RAB11FIP4: variants seen among roughly 807,000 people sequenced by gnomAD.
RAB11FIP4 encodes rab11 family-interacting protein 4.
Under a neutral mutation model 74.3 loss-of-function variants are expected in RAB11FIP4, and 23 were observed. The ratio of observed to expected loss-of-function variants is 0.31; its 90% CI spans 0.22 to 0.44. The LOEUF (loss-of-function observed/expected upper bound fraction) is 0.44. Ranked by LOEUF, RAB11FIP4 falls within the 20% of genes least tolerant of loss-of-function variation. RAB11FIP4 has a pLI of 1.00. For missense variants in RAB11FIP4, 630 were observed against 863.9 expected, an observed-to-expected ratio of 0.73 and a Z score of 3.39; for synonymous variants, 360 against 359.9, an observed-to-expected ratio of 1.00 and a Z score of 0.00.
At chr17:31,421,513 C>A (rs2151623877) in intron 1 of RAB11FIP4, among the ~76,000 whole-genome samples, 1 of 150,826 alleles carries the variant, frequency 6.6e-6, no homozygotes, top group Middle Eastern at 3.5e-3. Context: ...GCCACTGAGC[C>A]CTGAGACTGA....
intron 3 of RAB11FIP4, among the ~76,000 whole-genome samples, chr17:31,480,744 C>T (rs570744055): frequency 2.7e-4 from 39 of 143,212 alleles, no homozygotes; most frequent in Admixed American, 1.2e-3. Flanking sequence ...GCCGAGATCA[C>T]GCCACTGCAC....
At chr17:31,451,950 C>T (rs752145825) in intron 3 of RAB11FIP4, among the ~76,000 whole-genome samples, 17 of 151,970 alleles carry the variant, frequency 1.1e-4, no homozygotes, top group Non-Finnish European at 1.6e-4. Context: ...TGTGATATTT[C>T]GATAACTGCA....
chr17:31,522,627 C>T, intron 7 of RAB11FIP4: 1 of 544,398 alleles, frequency 1.8e-6, no homozygotes, highest in Non-Finnish European at 3.2e-6. Flanking sequence ...AATCCTAGGT[C>T]ACCTTGACTT....
At position 31,427,257 on chromosome 17, in the gene RAB11FIP4, G is replaced by A. The variant is rs118084786; in HGVS notation, c.160-4556G>A. On this transcript the variant is annotated intron_variant, in intron 1 of 14. Transcript: ENST00000621161. ...ATTATAGGCATGAGCCACTGCGCCC[G>A]GCTGGCCTGGCACTTTTGTGGCCAC... Among the ~76,000 whole-genome samples the A allele has an allele frequency of 2.6e-3, 399 of 152,310 alleles. 3 individuals are homozygous for A. The highest frequency in any genetic ancestry group is 0.012 in the East Asian group (63 of 5,184).
At chr17:31,478,095 C>T (rs145987870) in intron 3 of RAB11FIP4, among the ~76,000 whole-genome samples, 76 of 150,496 alleles carry the variant, frequency 5.0e-4, no homozygotes, top group African/African-American at 1.8e-3. Context: ...TGGGTTCAAG[C>T]GATTCCCCTG....
chr17:31,413,589 A>G (rs2071119899), intron 1 of RAB11FIP4, among the ~76,000 whole-genome samples: 1 of 149,684 alleles, frequency 6.7e-6, no homozygotes, highest in African/African-American at 2.5e-5. Flanking sequence ...CCTTTTGCTC[A>G]CACCAACGCC....
At chr17:31,517,036 A>G (rs997825833) in intron 3 of RAB11FIP4, among the ~76,000 whole-genome samples, 17 of 151,988 alleles carry the variant, frequency 1.1e-4, no homozygotes, top group Non-Finnish European at 2.1e-4. Flanking sequence ...GAAAGCAACC[A>G]ATCAGAGACT....
At chr17:31,504,781 G>T (rs2072286368) in intron 3 of RAB11FIP4, among the ~76,000 whole-genome samples, 1 of 152,104 alleles carries the variant, frequency 6.6e-6, no homozygotes, top group Non-Finnish European at 1.5e-5. Context: ...GCTGGTGGTG[G>T]TTTGTTTGTT....
At chr17:31,494,325 C>T (rs2072072185) in intron 3 of RAB11FIP4, among the ~76,000 whole-genome samples, 1 of 151,876 alleles carries the variant, frequency 6.6e-6, no homozygotes, top group Admixed American at 6.6e-5. Flanking sequence ...TCACAGGGTT[C>T]GTGGTAAGAG....
chr17:31,533,927 AC>A lies in RAB11FIP4; in HGVS notation c.*2197del, dbSNP rs1952550843. The A allele has an allele frequency of 6.6e-6, 1 of 152,198 alleles. No individual in the cohort carries two copies. The highest frequency in any genetic ancestry group is 1.5e-5 in the Non-Finnish European group (1 of 68,042). 9.4% of individuals were successfully genotyped at this position (152,198 alleles called of 1,614,324 possible). On this transcript the variant is annotated 3_prime_UTR_variant, in exon 15 of 15. Transcript: ENST00000621161. Reference sequence around the variant, plus strand: ...GGGGGCTGAATTCCAGCTCACACACACCTCAAGTCCAACCTTACTTTCTTCA... The same window carrying A: ...GGGGGCTGAATTCCAGCTCACACACACTCAAGTCCAACCTTACTTTCTTCA...
chr17:31,490,167 C>T (rs2071981438), intron 3 of RAB11FIP4, among the ~76,000 whole-genome samples: 1 of 152,152 alleles, frequency 6.6e-6, no homozygotes, highest in Admixed American at 6.5e-5. Flanking sequence ...TCCCTCCCGA[C>T]CATCTGTGCC....
chr17:31,514,018 C>G (rs563264951), intron 3 of RAB11FIP4, among the ~76,000 whole-genome samples: 1 of 152,176 alleles, frequency 6.6e-6, no homozygotes, highest in East Asian at 1.9e-4. Context: ...GTGAGACAGG[C>G]GAGGAGCTTG....
chr17:31,458,125 A>G (rs894183975), intron 3 of RAB11FIP4, among the ~76,000 whole-genome samples: 26 of 152,238 alleles, frequency 1.7e-4, no homozygotes, highest in African/African-American at 5.8e-4. Context: ...ACGTGTGTCC[A>G]AGGCCTTGGG....
intron 1 of RAB11FIP4, among the ~76,000 whole-genome samples, chr17:31,409,356 C>T (rs925258556): frequency 5.3e-5 from 8 of 152,160 alleles, no homozygotes; most frequent in African/African-American, 1.9e-4. Context: ...GTCTTCCCAG[C>T]ATCTATTAAA....
intron 1 of RAB11FIP4, among the ~76,000 whole-genome samples, chr17:31,398,467 G>T (rs1233861818): frequency 6.6e-6 from 1 of 152,180 alleles, no homozygotes; most frequent in African/African-American, 2.4e-5. Flanking sequence ...GCCATGGGGG[G>T]TGGGGGGTGT....
At chr17:31,442,263 T>C (rs1248201466) in intron 3 of RAB11FIP4, among the ~76,000 whole-genome samples, 3 of 152,198 alleles carry the variant, frequency 2.0e-5, no homozygotes, top group African/African-American at 7.2e-5. Context: ...CCTCCCAAAG[T>C]GCTGGGATTA....
intron 3 of RAB11FIP4, among the ~76,000 whole-genome samples, chr17:31,460,333 A>G (rs934190324): frequency 6.6e-6 from 1 of 152,038 alleles, no homozygotes; most frequent in African/African-American, 2.4e-5. Context: ...ACCTTAGAGC[A>G]TGGACGTCAA....
At chr17:31,504,258 G>A (rs2072275643) in intron 3 of RAB11FIP4, among the ~76,000 whole-genome samples, 1 of 149,302 alleles carries the variant, frequency 6.7e-6, no homozygotes, top group Non-Finnish European at 1.5e-5. Flanking sequence ...AGCCTCCCGA[G>A]TAGCTGGAAC....
At chr17:31,498,946 A>G (rs976189170) in intron 3 of RAB11FIP4, among the ~76,000 whole-genome samples, 7 of 152,222 alleles carry the variant, frequency 4.6e-5, no homozygotes, top group African/African-American at 1.4e-4. Flanking sequence ...TGTGTGAGTA[A>G]TTAAGCCCTC....
Sources: allele counts gnomAD v4.1 joint callset (sites outside exome capture counted in the v4.1 genomes callset), GRCh38; gene constraint gnomAD v4.1.1; transcripts MANE v1.5; gene names NCBI Gene and HGNC (gene_info 2026-07-23, HGNC 2026-07-21).